SORCS3: variants seen among roughly 807,000 people sequenced by gnomAD.
SORCS3 encodes the protein sortilin related VPS10 domain containing receptor 3.
SORCS3 carries 57 observed loss-of-function variants against 146.3 expected under a neutral mutation model. The observed-to-expected ratio is 0.39, with a 90% CI of 0.31 to 0.49. The LOEUF is 0.49. Among genes scored for constraint, SORCS3 ranks in the 20% least tolerant of loss-of-function variants. SORCS3 has a pLI of 0.92. For missense variants in SORCS3, 1,341 were observed against 1,575.5 expected (o/e 0.85, Z 2.52); for synonymous variants, 653 against 618.5 (o/e 1.06, Z -0.83).
chr10:104,975,643 T>C (rs867985782), intron 3 of SORCS3, among the ~76,000 whole-genome samples: 1,522 of 152,168 alleles, frequency 0.01, 22 homozygotes, highest in African/African-American at 0.035. Context: ...AGGCATCACG[T>C]TACCTGACTT....
intron 2 of SORCS3, among the ~76,000 whole-genome samples, chr10:104,877,220 A>C (rs1039407363): frequency 6.6e-6 from 1 of 152,110 alleles, no homozygotes; most frequent in Non-Finnish European, 1.5e-5. Flanking sequence ...CACCTAGTCC[A>C]GTCACCATTA....
rs536799013 is a variant in SORCS3, at chr10:105,128,945, C to T, written c.1213-10452C>T. On this transcript the variant is annotated intron_variant, in intron 7 of 26. Coordinates refer to ENST00000369701, the MANE Select transcript of SORCS3 (RefSeq NM_014978.3). ...TAGTTCCTTTTTTATCTGAAAATAACCCCCAAACTGCAAGAGATGGGTTAC... is the reference window on the plus strand; with the variant it reads ...TAGTTCCTTTTTTATCTGAAAATAATCCCCAAACTGCAAGAGATGGGTTAC... Among the ~76,000 whole-genome samples the T allele has an allele frequency of 4.6e-5, 7 of 152,188 alleles. No individual in the cohort carries two copies. In the South Asian group the frequency reaches 1.5e-3, roughly 32 times the overall value.
intron 7 of SORCS3, among the ~76,000 whole-genome samples, chr10:105,114,441 T>A (rs2055880227): frequency 6.6e-6 from 1 of 152,186 alleles, no homozygotes; most frequent in South Asian, 2.1e-4. Context: ...TAGCACAGAA[T>A]GAAACTTTTC....
chr10:105,094,749 CAG>C (rs919517491), intron 6 of SORCS3, among the ~76,000 whole-genome samples: 30 of 152,184 alleles, frequency 2.0e-4, no homozygotes, highest in African/African-American at 7.0e-4. Flanking sequence ...ATCTCAGAAA[CAG>C]AATGTTTGAT....
chr10:104,641,839 C>T lies in SORCS3; in HGVS notation c.512C>T (p.Pro171Leu), dbSNP rs1420315238. 1 of 1,564,772 alleles carries T rather than the reference C, an allele frequency of 6.4e-7. No homozygotes were observed. The highest frequency in any genetic ancestry group is 1.2e-5 in the South Asian group (1 of 85,188). Residue 171 changes from proline to leucine, a missense_variant, in exon 1 of 27, where the codon CCG becomes CTG. Pro to Leu is a moderately conservative substitution (Grantham distance 98, BLOSUM62 -3). Transcript: ENST00000369701. The surrounding 1 kb of genome is among the most constrained non-coding windows in gnomAD (Gnocchi z 6.4). The part of the protein sequence containing the change: ...AKGSREEVKA[P>L]RAGGSAAEDL... ...GGTTCCCGGGAGGAGGTGAAGGCGC[C>T]GCGGGCTGGGGGGTCGGCGGCTGAA...
chr10:104,838,211 T>A (rs182581118), intron 1 of SORCS3, among the ~76,000 whole-genome samples: 15 of 152,236 alleles, frequency 9.9e-5, no homozygotes, highest in African/African-American at 3.6e-4. Flanking sequence ...TTGCTGTAGA[T>A]CCGGAACTAC....
intron 23 of SORCS3, among the ~76,000 whole-genome samples, chr10:105,253,473 G>T (rs1197330372): frequency 6.6e-6 from 1 of 152,182 alleles, no homozygotes; most frequent in African/African-American, 2.4e-5. Flanking sequence ...TGGGCATATA[G>T]AACTATACTG....
At chr10:104,773,118 A>G (rs2017271317) in intron 1 of SORCS3, among the ~76,000 whole-genome samples, 1 of 152,198 alleles carries the variant, frequency 6.6e-6, no homozygotes, top group South Asian at 2.1e-4. Context: ...GTGGGTATCT[A>G]AAGCAGGGGA....
chr10:104,915,966 C>G, intron 3 of SORCS3, 34 bp downstream of exon 3: 7 of 1,528,174 alleles, frequency 4.6e-6, no homozygotes, highest in Non-Finnish European at 6.4e-6. Context: ...CTGAGCACTC[C>G]TGCTGGGTAG....
At chr10:105,226,268 G>A (rs993989830) in intron 20 of SORCS3, among the ~76,000 whole-genome samples, 1 of 151,806 alleles carries the variant, frequency 6.6e-6, no homozygotes, top group Non-Finnish European at 1.5e-5. Flanking sequence ...TATCATTAAC[G>A]ATGTTAATTT....
At chr10:104,718,914 G>A (rs1445342205) in intron 1 of SORCS3, among the ~76,000 whole-genome samples, 1 of 152,140 alleles carries the variant, frequency 6.6e-6, no homozygotes, top group Non-Finnish European at 1.5e-5. Context: ...GAAGGGAACT[G>A]TCTAAGACAG....
intron 1 of SORCS3, among the ~76,000 whole-genome samples, chr10:104,818,401 CTTCT>C (rs1491309943): frequency 1.5e-5 from 2 of 135,756 alleles, no homozygotes; most frequent in Middle Eastern, 3.6e-3. Context: ...TCCTTCCTTC[CTTCT>C]TTCTCTCTTT....
At chr10:104,752,253 C>G (rs1206235681) in intron 1 of SORCS3, among the ~76,000 whole-genome samples, 1 of 151,908 alleles carries the variant, frequency 6.6e-6, no homozygotes, top group Non-Finnish European at 1.5e-5. Context: ...CCAGGCTGGT[C>G]TTGAACTCCT....
chr10:105,180,919 C>T (rs1011267081), intron 14 of SORCS3, among the ~76,000 whole-genome samples: 2 of 152,108 alleles, frequency 1.3e-5, no homozygotes, highest in Non-Finnish European at 2.9e-5. Context: ...TTATTTTTTC[C>T]TTCACAGCAC....
chr10:105,080,244 C>G (rs2055613967), intron 5 of SORCS3, among the ~76,000 whole-genome samples: 1 of 152,136 alleles, frequency 6.6e-6, no homozygotes, highest in Non-Finnish European at 1.5e-5. Flanking sequence ...TTTTAATAAT[C>G]ATCATTCTGA....
Position 104,713,107 on chromosome 10 carries a change from A to G in SORCS3, c.627+71153A>G, listed in dbSNP as rs957953474. Among the ~76,000 whole-genome samples the G allele has an allele frequency of 3.0e-5, 4 of 134,694 alleles. No individual in the cohort carries two copies. In the East Asian group the frequency reaches 6.7e-4, roughly 23 times the overall value. The allele number at this position is 134,694 out of a possible 152,430, so 88.4% of individuals were successfully genotyped here. A position where few individuals can be genotyped will look rare whatever the true frequency, so the allele number is the denominator to read the frequency against. The stretch of plus-strand genomic sequence containing the variant: ...ACAGGGCCAGGCAGTGCAATATACC[A>G]GCCTTTCTCAAGTGTGTGTGCGTGT... On this transcript the variant is annotated intron_variant, in intron 1 of 26. Transcript: ENST00000369701.
chr10:105,035,120 C>A (rs2055297198), intron 4 of SORCS3, among the ~76,000 whole-genome samples: 3 of 152,308 alleles, frequency 2.0e-5, no homozygotes, highest in South Asian at 4.1e-4. Context: ...CAAAAACATA[C>A]CCCTGGGGGA....
chr10:104,722,850 CT>C (rs1175486185), intron 1 of SORCS3, among the ~76,000 whole-genome samples: 2 of 152,016 alleles, frequency 1.3e-5, no homozygotes, highest in Non-Finnish European at 2.9e-5. Context: ...TTTATTGCGT[CT>C]ATTTGATTCT....
At chr10:104,774,728 G>A (rs753126560) in intron 1 of SORCS3, among the ~76,000 whole-genome samples, 1 of 152,190 alleles carries the variant, frequency 6.6e-6, no homozygotes, top group Non-Finnish European at 1.5e-5. Flanking sequence ...GGAGTGATCA[G>A]TGTGGAATCT....
Sources: gnomAD v4.1 joint callset for allele counts (sites outside exome capture counted in the v4.1 genomes callset) on GRCh38, gnomAD v4.1.1 for gene constraint, Gnocchi (gnomAD v3.1) non-coding constraint, MANE v1.5 for transcripts, NCBI Gene and HGNC (gene_info 2026-07-23, HGNC 2026-07-21) for gene names.